ADAMTS18: variants seen among roughly 807,000 people sequenced by gnomAD.
The protein encoded by ADAMTS18 is ADAM metallopeptidase with thrombospondin type 1 motif 18, also known as A disintegrin and metalloproteinase with thrombospondin motifs 18.
Under a neutral mutation model 165.9 loss-of-function variants are expected in ADAMTS18, and 157 were observed. The observed-to-expected ratio is 0.95, with a 90% CI of 0.83 to 1.08. The LOEUF (loss-of-function observed/expected upper bound fraction) is 1.08. Ranked by LOEUF, ADAMTS18 falls within the 50% of genes least tolerant of loss-of-function variation. The pLI is 0.00. For synonymous variants in ADAMTS18, 782 were observed against 578.2 expected (o/e 1.35, Z -5.06); for missense variants, 2,040 against 1,534.0 (o/e 1.33, Z -5.51).
chr16:77,430,534 C>G (rs1373844452), intron 3 of ADAMTS18, among the ~76,000 whole-genome samples: 1 of 152,224 alleles, frequency 6.6e-6, no homozygotes, highest in Non-Finnish European at 1.5e-5. Context: ...TGTCTCAACA[C>G]ACACAAACTC....
intron 3 of ADAMTS18, among the ~76,000 whole-genome samples, chr16:77,372,320 T>G (rs147433697): frequency 1.8e-4 from 27 of 152,370 alleles, no homozygotes; most frequent in African/African-American, 6.3e-4. Flanking sequence ...TGCACTCCAG[T>G]GTTTATTGCA....
chr16:77,346,312 G>A (rs2144697792), intron 10 of ADAMTS18, among the ~76,000 whole-genome samples: 1 of 152,210 alleles, frequency 6.6e-6, no homozygotes, highest in Middle Eastern at 3.4e-3. Context: ...GTACAGAACT[G>A]TGTTTTCTCT....
rs757364019 is a variant in ADAMTS18 at position 77,362,196 on chromosome 16, G to A, written c.1125C>T (p.Leu375=). The stretch of plus-strand genomic sequence containing the variant: ...CATGTCTCTTGCCATTCTTTCCAAT[G>A]AGGGCAGACTGCCATTGACAAAAAC... ...LNSFCQWQSA[L]IGKNGKRHDH... The change falls in exon 7 of 23, where the codon CTC becomes CTT. Residue 375 remains leucine (L), a synonymous_variant. Coordinates refer to ENST00000282849, the MANE Select transcript of ADAMTS18 (RefSeq NM_199355.4). 9 of 1,613,986 alleles carry A rather than the reference G, an allele frequency of 5.6e-6. No homozygotes were observed. The highest frequency in any genetic ancestry group is 1.3e-5 in the African/African-American group (1 of 74,912).
At chr16:77,400,480 GTTTTGTTT>G (rs1350419692) in intron 3 of ADAMTS18, among the ~76,000 whole-genome samples, 331 of 104,062 alleles carry the variant, frequency 3.2e-3, no homozygotes, top group African/African-American at 1.0e-2. Flanking sequence ...GTGTGTGTGT[GTTTTGTTT>G]TTTTTTTTTT....
At chr16:77,381,902 G>A (rs1383424210) in intron 3 of ADAMTS18, among the ~76,000 whole-genome samples, 1 of 152,178 alleles carries the variant, frequency 6.6e-6, no homozygotes, top group African/African-American at 2.4e-5. Context: ...CACTGAGAAA[G>A]CTTCCCCCAT....
intron 16 of ADAMTS18, among the ~76,000 whole-genome samples, chr16:77,318,402 A>G (rs946888235): frequency 6.6e-6 from 1 of 152,202 alleles, no homozygotes; most frequent in East Asian, 1.9e-4. Context: ...TGAGCCAGGA[A>G]GACTTACGTT....
chr16:77,298,955 A>G (rs2055528509), intron 17 of ADAMTS18, among the ~76,000 whole-genome samples: 1 of 152,240 alleles, frequency 6.6e-6, no homozygotes, highest in African/African-American at 2.4e-5. Flanking sequence ...GAATTTCACA[A>G]CTGGCTTCCT....
intron 19 of ADAMTS18, among the ~76,000 whole-genome samples, chr16:77,293,735 C>T (rs996720481): frequency 6.7e-6 from 1 of 149,614 alleles, no homozygotes; most frequent in Non-Finnish European, 1.5e-5. Flanking sequence ...CAGATCATCA[C>T]GCATGAGATT....
intron 3 of ADAMTS18, 71 bp downstream of exon 3, chr16:77,431,224 G>T: frequency 6.5e-7 from 1 of 1,530,380 alleles, no homozygotes; most frequent in Non-Finnish European, 9.1e-7. Context: ...CATTTATATT[G>T]CAGACATCTG....
At chr16:77,365,691 A>G (rs923969575) in intron 4 of ADAMTS18, among the ~76,000 whole-genome samples, 3 of 152,242 alleles carry the variant, frequency 2.0e-5, no homozygotes, top group African/African-American at 7.2e-5. Flanking sequence ...CTGGGAAGAA[A>G]AATGGCACCT....
chr16:77,288,719 G>A (rs1013014299), intron 22 of ADAMTS18, among the ~76,000 whole-genome samples: 6 of 152,014 alleles, frequency 3.9e-5, no homozygotes, highest in African/African-American at 1.2e-4. Flanking sequence ...CTCCTTGAGG[G>A]CTATTGTTGT....
chr16:77,419,913 T>A (rs1328474456), intron 3 of ADAMTS18, among the ~76,000 whole-genome samples: 3 of 149,320 alleles, frequency 2.0e-5, no homozygotes, highest in Non-Finnish European at 4.4e-5. Flanking sequence ...GCAGGAGAAT[T>A]GCTTGAACCC....
In ADAMTS18 at chr16:77,319,950, C is replaced by A; in HGVS notation, c.2431G>T (p.Glu811Ter). 6.2e-7 allele frequency: 1 copy of A among 1,614,172 alleles called. No homozygotes were observed. The highest frequency in any genetic ancestry group is 8.5e-7 in the Non-Finnish European group (1 of 1,180,030). Residue 811 changes from glutamate to a stop codon, truncating the protein, a stop_gained, in exon 16 of 23, where the codon GAG becomes TAG. Transcript: ENST00000282849. LOFTEE classifies it high-confidence loss of function. ...TGGWSIDWPG[E>*]FPFAGTTFEY... The stretch of plus-strand genomic sequence containing the variant: ...AACGTGGTCCCAGCGAAGGGGAACT[C>A]CCCAGGCCAGTCGATGCTCCAGCCC...
chr16:77,414,347 T>C (rs1339419216), intron 3 of ADAMTS18, among the ~76,000 whole-genome samples: 1 of 152,236 alleles, frequency 6.6e-6, no homozygotes, highest in Non-Finnish European at 1.5e-5. Context: ...ACTTGAAATG[T>C]GGCTCGTCTG....
chr16:77,359,642 T>A (rs1476866029), intron 7 of ADAMTS18, among the ~76,000 whole-genome samples: 1 of 152,226 alleles, frequency 6.6e-6, no homozygotes, highest in African/African-American at 2.4e-5. Context: ...TTGTTACATA[T>A]TGTTATCAAT....
chr16:77,335,644 C>A, intron 12 of ADAMTS18, 112 bp downstream of exon 12: 4 of 1,260,398 alleles, frequency 3.2e-6, no homozygotes, highest in Admixed American at 1.7e-5. Context: ...CATTATGTAG[C>A]CATAATAATT....
intron 4 of ADAMTS18, among the ~76,000 whole-genome samples, chr16:77,366,578 AAAAC>A (rs1259363647): frequency 1.3e-5 from 2 of 152,220 alleles, no homozygotes; most frequent in Non-Finnish European, 2.9e-5. Flanking sequence ...AACAAAAACA[AAAAC>A]AAAAAAACAA....
chr16:77,429,742 C>G (rs2057716017), intron 3 of ADAMTS18, among the ~76,000 whole-genome samples: 1 of 152,042 alleles, frequency 6.6e-6, no homozygotes, highest in African/African-American at 2.4e-5. Flanking sequence ...GAGTGAAGTC[C>G]TGAGAGTGCT....
At chr16:77,305,851 A>G (rs1247566411) in intron 16 of ADAMTS18, among the ~76,000 whole-genome samples, 1 of 152,182 alleles carries the variant, frequency 6.6e-6, no homozygotes, top group African/African-American at 2.4e-5. Context: ...TTCCTCTACG[A>G]ATGCCAGGGA....
Sources: gnomAD v4.1 joint callset for allele counts (sites outside exome capture counted in the v4.1 genomes callset) on GRCh38, gnomAD v4.1.1 for gene constraint, MANE v1.5 for transcripts, NCBI Gene and HGNC (gene_info 2026-07-23, HGNC 2026-07-21) for gene names.